The following NOL10 variants were observed in gnomAD, a reference collection of about 807,000 sequenced individuals.
NOL10 encodes the protein H_NH0074G24.1.
In NOL10, 58 loss-of-function variants were observed where a neutral mutation model predicts 103.5. The ratio of observed to expected loss-of-function variants is 0.56; its 90% CI spans 0.45 to 0.70. The LOEUF is 0.70. Ranked by LOEUF, NOL10 falls within the 30% of genes least tolerant of loss-of-function variation. The pLI, the probability that NOL10 is intolerant of heterozygous loss-of-function variation, is 0.00. For synonymous variants in NOL10, 287 were observed against 282.5 expected (o/e 1.02, Z -0.16); for missense variants, 763 against 807.3 (o/e 0.95, Z 0.67).
intron 12 of NOL10, among the ~76,000 whole-genome samples, chr2:10,648,922 A>ACAAC (rs1240893902): frequency 6.6e-6 from 1 of 152,204 alleles, no homozygotes; most frequent in Non-Finnish European, 1.5e-5. Flanking sequence ...AATGTAACAC[A>ACAAC]CAACCTCAGT....
At chr2:10,606,494 G>A (rs951521397) in intron 14 of NOL10, among the ~76,000 whole-genome samples, 4 of 151,328 alleles carry the variant, frequency 2.6e-5, no homozygotes, top group Non-Finnish European at 5.9e-5. Flanking sequence ...TGTAATCCCA[G>A]CTACTCGGGA....
chr2:10,658,747 A>G (rs769624954), intron 10 of NOL10, among the ~76,000 whole-genome samples: 1 of 152,174 alleles, frequency 6.6e-6, no homozygotes, highest in Non-Finnish European at 1.5e-5. Flanking sequence ...ATTCTGTTGC[A>G]TAGACTCTGA....
chr2:10,589,348 G>A, intron 18 of NOL10, 58 bp from the exon 19 acceptor site: 2 of 1,596,540 alleles, frequency 1.3e-6, no homozygotes, highest in South Asian at 1.1e-5. Flanking sequence ...CAGACCCCTT[G>A]GTTTCTCTGA....
intron 8 of NOL10, among the ~76,000 whole-genome samples, chr2:10,665,406 A>G (rs1231805610): frequency 6.6e-6 from 1 of 152,250 alleles, no homozygotes; most frequent in Non-Finnish European, 1.5e-5. Context: ...GCAAACATTT[A>G]GTTTGACAAT....
intron 13 of NOL10, among the ~76,000 whole-genome samples, chr2:10,626,237 C>T (rs931504381): frequency 6.6e-6 from 1 of 152,030 alleles, no homozygotes; most frequent in African/African-American, 2.4e-5. Flanking sequence ...TTACTTTAAA[C>T]CAGCATGCAT....
intron 20 of NOL10, among the ~76,000 whole-genome samples, chr2:10,573,993 A>G (rs1674320505): frequency 6.8e-6 from 1 of 147,694 alleles, no homozygotes; most frequent in Non-Finnish European, 1.5e-5. Flanking sequence ...ATGTCAGTTC[A>G]GTCCTGTGCT....
chr2:10,577,302 A>T (rs557181355), intron 20 of NOL10, among the ~76,000 whole-genome samples: 1 of 152,330 alleles, frequency 6.6e-6, no homozygotes, highest in South Asian at 2.1e-4. Context: ...TTAGAGGGTC[A>T]GGATGGGACT....
intron 13 of NOL10, among the ~76,000 whole-genome samples, chr2:10,608,680 G>A (rs1676386834): frequency 6.6e-6 from 1 of 152,276 alleles, no homozygotes; most frequent in East Asian, 1.9e-4. Flanking sequence ...GCAGAAGGAA[G>A]AGAATTATAA....
intron 19 of NOL10, among the ~76,000 whole-genome samples, chr2:10,583,170 C>G (rs1674848951): frequency 6.6e-6 from 1 of 152,218 alleles, no homozygotes; most frequent in South Asian, 2.1e-4. Context: ...TACTGTCCAT[C>G]TTCTCCTCTG....
At chr2:10,605,549 G>A (rs886358261) in intron 14 of NOL10, among the ~76,000 whole-genome samples, 7 of 152,100 alleles carry the variant, frequency 4.6e-5, no homozygotes. Context: ...AAAATGAGCA[G>A]TACAATTACT....
In NOL10 at chr2:10,667,249, A is replaced by G; in HGVS notation, c.560T>C (p.Val187Ala). 6.3e-7 allele frequency: 1 copy of G among 1,588,860 alleles called. No individual in the cohort carries two copies. Among genetic ancestry groups the G allele is most frequent in the Non-Finnish European group, 8.6e-7 (1 of 1,166,470 alleles). Residue 187 changes from valine to alanine, a missense_variant, in exon 8 of 21, where the codon GTG (valine) becomes GCG (alanine). By Grantham distance (64) the Val-to-Ala change is moderately conservative. Coordinates refer to ENST00000381685, the MANE Select transcript of NOL10 (RefSeq NM_024894.4). ...GGTTCCTGTGGCAAACAAGCCATGC[A>G]CTGAATTTATGTCACAAACATTATT... is the stretch of plus-strand genomic sequence containing the variant. ...AENNVCDINS[V>A]HGLFATGTIE... is the part of the protein sequence containing the mutation.
chr2:10,658,721 ACTGT>A (rs988204779), intron 10 of NOL10, among the ~76,000 whole-genome samples: 9 of 152,190 alleles, frequency 5.9e-5, no homozygotes, highest in African/African-American at 9.7e-5. Context: ...GACTCCCAAG[ACTGT>A]CTGACCACAG....
At chr2:10,638,483 CTTTTTTTT>C (rs869294782) in intron 13 of NOL10, among the ~76,000 whole-genome samples, 163 of 77,774 alleles carry the variant, frequency 2.1e-3, no homozygotes, top group Middle Eastern at 0.011. Context: ...GCTGAATTCC[CTTTTTTTT>C]TTTTTTTTTT....
At chr2:10,590,743 C>T (rs1245773874) in intron 17 of NOL10, 4 of 140,028 alleles carry the variant, frequency 2.9e-5, no homozygotes, top group Non-Finnish European at 3.0e-5. Flanking sequence ...GTACCATTTT[C>T]AATGGAAAGT....
At chr2:10,654,094 C>A (rs1347520227) in intron 12 of NOL10, among the ~76,000 whole-genome samples, 13 of 152,298 alleles carry the variant, frequency 8.5e-5, no homozygotes. Context: ...TGTGTATTAT[C>A]AGGCAATCTA....
intron 12 of NOL10, among the ~76,000 whole-genome samples, chr2:10,645,968 C>G (rs1264103816): frequency 6.8e-6 from 1 of 147,040 alleles, no homozygotes; most frequent in Non-Finnish European, 1.5e-5. Context: ...CACACACACA[C>G]CCCGTAAAAA....
At chr2:10,637,603 T>C (rs1678352073) in intron 13 of NOL10, among the ~76,000 whole-genome samples, 1 of 152,236 alleles carries the variant, frequency 6.6e-6, no homozygotes, top group South Asian at 2.1e-4. Flanking sequence ...AAACATTCAC[T>C]AAACAACCTT....
chr2:10,646,965 A>C (rs1679114938), intron 12 of NOL10, among the ~76,000 whole-genome samples: 2 of 152,268 alleles, frequency 1.3e-5, no homozygotes, highest in African/African-American at 4.8e-5. Flanking sequence ...GGACAACTTA[A>C]AACATATGAA....
chr2:10,653,017 G>A (rs918382410), intron 12 of NOL10, among the ~76,000 whole-genome samples: 4 of 152,158 alleles, frequency 2.6e-5, no homozygotes, highest in Non-Finnish European at 4.4e-5. Context: ...CCAACATGGC[G>A]GAACCCCGTT....
Sources: gnomAD v4.1 joint callset for allele counts (sites outside exome capture counted in the v4.1 genomes callset) on GRCh38, gnomAD v4.1.1 for gene constraint, MANE v1.5 for transcripts, NCBI Gene and HGNC (gene_info 2026-07-23, HGNC 2026-07-21) for gene names.